The following TTC23L variants were observed in gnomAD, a reference collection of about 807,000 sequenced individuals.
The protein encoded by TTC23L is tetratricopeptide repeat protein 23-like.
TTC23L carries 42 observed loss-of-function variants against 48.1 expected under a neutral mutation model. The observed-to-expected ratio is 0.87, with a 90% confidence interval of 0.68 to 1.13. The LOEUF is 1.13. TTC23L is among the 50% of genes most tolerant of loss of function. The probability of loss-of-function intolerance (pLI) is 0.00; values close to 1 mark genes in which losing one functional copy is unlikely to be tolerated. For missense variants in TTC23L, 391 were observed against 421.0 expected (o/e 0.93, Z 0.62); for synonymous variants, 159 against 157.2 (o/e 1.01, Z -0.09).
At chr5:34,915,641 C>A in the TTC23L span, 1 of 1,403,202 alleles carries the variant, frequency 7.1e-7, no homozygotes. Context: ...AGGACGACCG[C>A]GGAGCTGAGC....
chr5:34,860,712 C>T (rs1200227842), intron 4 of TTC23L: 6 of 152,174 alleles, frequency 3.9e-5, no homozygotes, highest in East Asian at 3.8e-4. Flanking sequence ...CTTCTTGTCT[C>T]TGGATCACTT....
intron 10 of TTC23L, among the ~76,000 whole-genome samples, chr5:34,898,195 TCTTTGA>T (rs1336078110): frequency 1.3e-5 from 2 of 152,196 alleles, no homozygotes; most frequent in African/African-American, 4.8e-5. Context: ...TGAAAGCTGG[TCTTTGA>T]CTTTATTACC....
At chr5:34,861,359 T>TG in intron 4 of TTC23L, 3 of 166,554 alleles carry the variant, frequency 1.8e-5, no homozygotes, top group Non-Finnish European at 2.7e-5. Context: ...TCATCCTATT[T>TG]GGGGGGCATG....
At chr5:34,916,579 A>T in the TTC23L span, 210 of 152,348 alleles carry the variant, frequency 1.4e-3, 1 homozygote, top group African/African-American at 4.7e-3. Context: ...GATGGTTTTT[A>T]TTCAAAAGAA....
intron 9 of TTC23L, chr5:34,880,662 A>G: frequency 2.7e-6 from 1 of 364,864 alleles, no homozygotes; most frequent in African/African-American, 2.7e-5. Context: ...TTTTTTTTTG[A>G]GACAGGGTCT....
intron 8 of TTC23L, among the ~76,000 whole-genome samples, chr5:34,871,989 A>G (rs1761499309): frequency 6.6e-6 from 1 of 152,194 alleles, no homozygotes; most frequent in African/African-American, 2.4e-5. Flanking sequence ...TTACATAGAA[A>G]AAAATAGGCT....
chr5:34,876,836 C>T (rs372305108), intron 8 of TTC23L, among the ~76,000 whole-genome samples: 4 of 124,934 alleles, frequency 3.2e-5, no homozygotes, highest in East Asian at 5.1e-4. Flanking sequence ...CAGGGCCTGT[C>T]GGGGGCTGGG....
intron 4 of TTC23L, among the ~76,000 whole-genome samples, chr5:34,852,453 A>T: frequency 6.8e-6 from 1 of 146,196 alleles, no homozygotes; most frequent in Non-Finnish European, 1.5e-5. Context: ...GTGAGGTGGT[A>T]ATAATCAAGC....
At chr5:34,925,314 C>T in the TTC23L span, 31 of 1,613,198 alleles carry the variant, frequency 1.9e-5, no homozygotes, top group East Asian at 2.2e-5. Flanking sequence ...AAGAAAGAGC[C>T]GAAGACTCTT....
the TTC23L span, chr5:34,922,631 G>C: frequency 6.3e-6 from 10 of 1,592,012 alleles, no homozygotes; most frequent in African/African-American, 1.3e-5. Context: ...GAAATTAAAA[G>C]TAATCTTTTG....
intron 9 of TTC23L, chr5:34,883,554 A>G (rs1218631820): frequency 6.4e-6 from 1 of 155,178 alleles, no homozygotes; most frequent in Non-Finnish European, 1.4e-5. Flanking sequence ...AAAAGAGAGA[A>G]GACTAAAATA....
At chr5:34,895,088 T>C (rs1763124871) in intron 9 of TTC23L, among the ~76,000 whole-genome samples, 1 of 152,214 alleles carries the variant, frequency 6.6e-6, no homozygotes, top group Non-Finnish European at 1.5e-5. Context: ...CCTGATTAAA[T>C]ACCTCCCATA....
At chr5:34,925,671 T>G in the TTC23L span, 2 of 556,730 alleles carry the variant, frequency 3.6e-6, no homozygotes, top group East Asian at 6.3e-5. Context: ...ATCACCAGAA[T>G]TCATCAGTTA....
Position 34,866,927 on chromosome 5 carries a change from T to A in TTC23L, c.698T>A (p.Leu233Gln), listed in dbSNP as rs1185022079. 8 of 1,608,362 alleles carry A rather than the reference T, an allele frequency of 5.0e-6. No individual in the cohort carries two copies. Among genetic ancestry groups the A allele is most frequent in the Non-Finnish European group, 6.8e-6 (8 of 1,177,164 alleles). The change falls in exon 7 of 11, where the codon CTG (leucine) becomes CAG (glutamine). Residue 233 changes from leucine (L) to glutamine (Q), a missense_variant. Transcript: ENST00000505624. Reference sequence around the variant, plus strand: ...GCCATCCACAGACTGAACCTAGCTCTGGCATACTTTGAAAAGGCAATTGGC... The same window carrying A: ...GCCATCCACAGACTGAACCTAGCTCAGGCATACTTTGAAAAGGCAATTGGC...
chr5:34,873,346 TA>T (rs1407589996), intron 8 of TTC23L, among the ~76,000 whole-genome samples: 2 of 152,116 alleles, frequency 1.3e-5, no homozygotes, highest in Non-Finnish European at 2.9e-5. Context: ...TGGAAGTAGA[TA>T]AAAAGAACAA....
chr5:34,873,058 G>A (rs1483887545), intron 8 of TTC23L, among the ~76,000 whole-genome samples: 5 of 149,516 alleles, frequency 3.3e-5, no homozygotes, highest in African/African-American at 1.2e-4. Context: ...GGGAGACTCC[G>A]TCTCAAGAAA....
intron 4 of TTC23L, among the ~76,000 whole-genome samples, chr5:34,854,534 C>T (rs1045476519): frequency 6.6e-6 from 1 of 152,194 alleles, no homozygotes; most frequent in Admixed American, 6.5e-5. Flanking sequence ...CTCAGCTCCA[C>T]TCAGTGTTGT....
Position 34,899,384 on chromosome 5 carries a change from C to A in TTC23L, c.*98-6C>A. On this transcript the variant is annotated splice_polypyrimidine_tract_variant and splice_region_variant and intron_variant, in intron 10 of 10. Transcript: ENST00000505624. ...AATGCTCAAATGGTTTTCTCCTTTCCTCTAGGTCTTCTGTTATCAAATTGA... is the reference window on the plus strand; with the variant it reads ...AATGCTCAAATGGTTTTCTCCTTTCATCTAGGTCTTCTGTTATCAAATTGA... The A allele has an allele frequency of 6.5e-6, 1 of 152,756 alleles. No individual in the cohort carries two copies. Among genetic ancestry groups the A allele is most frequent in the Non-Finnish European group, 1.5e-5 (1 of 68,032 alleles). 9.5% of individuals were successfully genotyped at this position (152,756 alleles called of 1,614,324 possible).
At chr5:34,853,957 C>T (rs1232327513) in intron 4 of TTC23L, among the ~76,000 whole-genome samples, 1 of 152,210 alleles carries the variant, frequency 6.6e-6, no homozygotes, top group Non-Finnish European at 1.5e-5. Context: ...CCAGATGCTG[C>T]CCTCTCTGTC....
Sources: gnomAD v4.1 joint callset for allele counts (sites outside exome capture counted in the v4.1 genomes callset) on GRCh38, gnomAD v4.1.1 for gene constraint, MANE v1.5 for transcripts, NCBI Gene and HGNC (gene_info 2026-07-23, HGNC 2026-07-21) for gene names.